MAPK8: variants seen among roughly 807,000 people sequenced by gnomAD.
MAPK8 encodes mitogen-activated protein kinase 8.
Under a neutral mutation model 52.9 loss-of-function variants are expected in MAPK8, and 13 were observed. That is an observed-to-expected ratio of 0.25 (90% CI 0.16 to 0.39). The LOEUF (loss-of-function observed/expected upper bound fraction) is 0.39, where lower values mean the gene tolerates loss of function less well. MAPK8 is among the 10% of genes least tolerant of loss of function. The pLI, the probability that MAPK8 is intolerant of heterozygous loss-of-function variation, is 1.00. For synonymous variants in MAPK8, 191 were observed against 169.8 expected (o/e 1.12, Z -0.97); for missense variants, 300 against 519.2 (o/e 0.58, Z 4.10).
chr10:48,394,494 A>G (rs957533294), intron 1 of MAPK8, among the ~76,000 whole-genome samples: 4 of 151,950 alleles, frequency 2.6e-5, no homozygotes, highest in Non-Finnish European at 5.9e-5. Context: ...AGAAAACTAT[A>G]TGATTATTTC....
At chr10:48,377,132 C>T (rs188096831) in intron 1 of MAPK8, among the ~76,000 whole-genome samples, 107 of 152,174 alleles carry the variant, frequency 7.0e-4, no homozygotes, top group African/African-American at 2.3e-3. Context: ...AACCAAACAC[C>T]GCATGTTGCC....
chr10:48,433,021 G>C (rs557374844), intron 11 of MAPK8, among the ~76,000 whole-genome samples: 2 of 151,882 alleles, frequency 1.3e-5, no homozygotes, highest in African/African-American at 4.8e-5. Flanking sequence ...TTTCCCTGTC[G>C]AGTGCCTTCC....
chr10:48,379,707 C>T (rs568136352), intron 1 of MAPK8, among the ~76,000 whole-genome samples: 2 of 152,140 alleles, frequency 1.3e-5, no homozygotes, highest in Admixed American at 1.3e-4. Context: ...CAGTTCAGTC[C>T]CATGTAATTA....
intron 1 of MAPK8, among the ~76,000 whole-genome samples, chr10:48,398,979 T>C (rs577331950): frequency 9.8e-5 from 15 of 152,304 alleles, no homozygotes; most frequent in African/African-American, 3.6e-4. Flanking sequence ...ATTGTACAGT[T>C]GGTACAATTT....
chr10:48,340,801 T>C (rs1027887410), intron 1 of MAPK8, among the ~76,000 whole-genome samples: 1 of 152,246 alleles, frequency 6.6e-6, no homozygotes, highest in Non-Finnish European at 1.5e-5. Flanking sequence ...CAATTTCTGG[T>C]GCTCTCTATT....
chr10:48,435,049 GTGGGAGGGAT>G lies in MAPK8; in HGVS notation c.*21_*30del. 7 of 1,463,300 alleles carry G rather than the reference GTGGGAGGGAT, an allele frequency of 4.8e-6. No homozygotes were observed. Among genetic ancestry groups the G allele is most frequent in the Non-Finnish European group, 6.5e-6 (7 of 1,079,974 alleles). The allele number at this position is 1,463,300 out of a possible 1,614,324, so 90.6% of individuals were successfully genotyped here. On this transcript the variant is annotated 3_prime_UTR_variant, in exon 12 of 12. Transcript: ENST00000374189. ...AGATGACTACTTGGGCCATCGGGGG[GTGGGAGGGAT>G]GGGGAGTCGGTTAGTCATTGATAGA...
At chr10:48,417,338 T>C (rs1047758180) in intron 5 of MAPK8, among the ~76,000 whole-genome samples, 1 of 152,200 alleles carries the variant, frequency 6.6e-6, no homozygotes, top group Non-Finnish European at 1.5e-5. Context: ...TCTTCAGTCT[T>C]CCTGTAAGCT....
At chr10:48,416,353 G>T (rs2043063784) in intron 5 of MAPK8, among the ~76,000 whole-genome samples, 1 of 152,198 alleles carries the variant, frequency 6.6e-6, no homozygotes, top group Admixed American at 6.5e-5. Flanking sequence ...GACAAAGCTA[G>T]CCATAGACTT....
At chr10:48,372,175 G>A (rs544685034) in intron 1 of MAPK8, among the ~76,000 whole-genome samples, 4 of 152,088 alleles carry the variant, frequency 2.6e-5, no homozygotes, top group African/African-American at 7.2e-5. Flanking sequence ...GAGTAGGACC[G>A]AAAGTTTCAA....
intron 1 of MAPK8, among the ~76,000 whole-genome samples, chr10:48,335,427 A>G (rs1231222592): frequency 6.6e-6 from 1 of 152,220 alleles, no homozygotes; most frequent in Admixed American, 6.5e-5. Context: ...GCCATATTAT[A>G]TAATATCAAA....
rs144047267 is a variant in MAPK8 at position 48,320,917 on chromosome 10, G to A, written c.-50+14096G>A. On this transcript the variant is annotated intron_variant, in intron 1 of 11. Coordinates refer to ENST00000374189, the MANE Select transcript of MAPK8 (RefSeq NM_001323329.2). ...TCTGTCTTGAAAATAGCCACCTGAT[G>A]AGAGTGAAGTGATAGCCCATTGTGA... Among the ~76,000 whole-genome samples the A allele has an allele frequency of 3.9e-5, 6 of 152,240 alleles. No homozygotes were observed. In the East Asian group the frequency reaches 1.2e-3, roughly 29 times the overall value.
At chr10:48,344,160 A>G (rs1279026162) in intron 1 of MAPK8, among the ~76,000 whole-genome samples, 1 of 152,240 alleles carries the variant, frequency 6.6e-6, no homozygotes, top group Non-Finnish European at 1.5e-5. Context: ...ACTCTTAATT[A>G]TGGGTCCCCT....
In MAPK8 at chr10:48,361,787, G is replaced by A. The variant is rs189915266; in HGVS notation, c.-49-39825G>A. Reference sequence around the variant, plus strand: ...GGTCTTCCCTAAGGTGCTGTCCTTAGTCTGCATCTTTCTTCTTACTAATTT... The same window carrying A: ...GGTCTTCCCTAAGGTGCTGTCCTTAATCTGCATCTTTCTTCTTACTAATTT... On this transcript the variant is annotated intron_variant, in intron 1 of 11. Transcript: ENST00000374189. Among the ~76,000 whole-genome samples, 3 of 152,210 alleles carry A rather than the reference G, an allele frequency of 2.0e-5. No individual in the cohort carries two copies. In the East Asian group the frequency reaches 5.8e-4, roughly 29 times the overall value.
chr10:48,349,782 G>C (rs1846127604), intron 1 of MAPK8, among the ~76,000 whole-genome samples: 1 of 152,286 alleles, frequency 6.6e-6, no homozygotes, highest in East Asian at 1.9e-4. Flanking sequence ...GAGCAGAACT[G>C]AAGGAGATAC....
Position 48,317,647 on chromosome 10 carries a change from C to T in MAPK8, c.-50+10826C>T, listed in dbSNP as rs757815677. Among the ~76,000 whole-genome samples the T allele has an allele frequency of 5.9e-5, 9 of 152,092 alleles. No individual in the cohort carries two copies. In the South Asian group the frequency reaches 6.2e-4, roughly 10 times the overall value. On this transcript the variant is annotated intron_variant, in intron 1 of 11. Coordinates refer to ENST00000374189, the MANE Select transcript of MAPK8 (RefSeq NM_001323329.2). Reference sequence around the variant, plus strand: ...TATGTAGGAAAGGGGATGCAGAGTACGGGTAGAGAGTTTGGCCCTCAGTAG... The same window carrying T: ...TATGTAGGAAAGGGGATGCAGAGTATGGGTAGAGAGTTTGGCCCTCAGTAG...
intron 5 of MAPK8, among the ~76,000 whole-genome samples, chr10:48,413,329 T>C (rs1239772373): frequency 1.3e-5 from 2 of 152,220 alleles, no homozygotes; most frequent in African/African-American, 4.8e-5. Context: ...CCGGATCACA[T>C]GGTCATTCTT....
chr10:48,395,857 G>C (rs1460266066), intron 1 of MAPK8, among the ~76,000 whole-genome samples: 1 of 152,050 alleles, frequency 6.6e-6, no homozygotes, highest in Non-Finnish European at 1.5e-5. Flanking sequence ...GTTTGACAAA[G>C]ATGCAAAAGT....
intron 1 of MAPK8, among the ~76,000 whole-genome samples, chr10:48,317,227 G>A (rs1000862739): frequency 7.2e-5 from 11 of 152,186 alleles, no homozygotes; most frequent in African/African-American, 2.4e-4. Context: ...AGGCTGGAGT[G>A]CAGTGGTGTG....
chr10:48,307,090 C>T (rs1255237372), intron 1 of MAPK8: 1 of 152,568 alleles, frequency 6.6e-6, no homozygotes, highest in East Asian at 1.9e-4. Flanking sequence ...CCTGTCCTCT[C>T]GCGTCCTCTT....
Sources: gnomAD v4.1 joint callset for allele counts (sites outside exome capture counted in the v4.1 genomes callset) on GRCh38, gnomAD v4.1.1 for gene constraint, MANE v1.5 for transcripts, NCBI Gene and HGNC (gene_info 2026-07-23, HGNC 2026-07-21) for gene names.